ARHGAP24: variants seen among roughly 807,000 people sequenced by gnomAD.
The protein encoded by ARHGAP24 is Rho GTPase activating protein 24, also known as rho GTPase-activating protein 24.
Under a neutral mutation model 76.4 loss-of-function variants are expected in ARHGAP24, and 50 were observed. That is an observed-to-expected ratio of 0.65 (90% CI 0.52 to 0.83). The LOEUF is 0.83. Ranked by LOEUF, ARHGAP24 falls within the 40% of genes least tolerant of loss-of-function variation. The pLI is 0.00. For synonymous variants in ARHGAP24, 345 were observed against 323.3 expected, an observed-to-expected ratio of 1.07 and a Z score of -0.72; for missense variants, 930 against 914.2, an observed-to-expected ratio of 1.02 and a Z score of -0.22.
chr4:85,941,430 C>T (rs926168559), intron 4 of ARHGAP24, among the ~76,000 whole-genome samples: 2 of 152,122 alleles, frequency 1.3e-5, no homozygotes, highest in Non-Finnish European at 2.9e-5. Flanking sequence ...CCACTGTGAC[C>T]CACCTCTCCA....
chr4:85,501,144 T>C (rs1011901280), intron 1 of ARHGAP24, among the ~76,000 whole-genome samples: 2 of 152,212 alleles, frequency 1.3e-5, no homozygotes, highest in Non-Finnish European at 2.9e-5. Context: ...TCTGGGTTGG[T>C]TCCAAGTCTT....
Position 85,900,357 on chromosome 4 carries a change from G to A in ARHGAP24, c.269-23291G>A, listed in dbSNP as rs1734424191. On this transcript the variant is annotated intron_variant, in intron 3 of 9. Transcript: ENST00000395184. ...AGTATGTGGCAAACACAAATAGTAT[G>A]CATTTACAGGAAAAACTAAGTAATA... 4.6e-5 allele frequency among the ~76,000 whole-genome samples: 7 copies of A among 152,080 alleles called. 1 individual carries two copies. In the South Asian group the frequency reaches 1.4e-3, roughly 31 times the overall value.
intron 2 of ARHGAP24, among the ~76,000 whole-genome samples, chr4:85,594,425 T>G (rs1291122746): frequency 6.6e-6 from 1 of 152,046 alleles, no homozygotes; most frequent in Non-Finnish European, 1.5e-5. Flanking sequence ...CCTTTCCAAT[T>G]TGGTCGCCCC....
At chr4:85,959,024 C>T (rs1374625294) in intron 5 of ARHGAP24, among the ~76,000 whole-genome samples, 5 of 152,024 alleles carry the variant, frequency 3.3e-5, no homozygotes, top group Non-Finnish European at 5.9e-5. Context: ...GGATTCAGGG[C>T]GAGTCCGTAG....
chr4:85,920,722 C>A (rs1735671456), intron 3 of ARHGAP24, among the ~76,000 whole-genome samples: 1 of 151,916 alleles, frequency 6.6e-6, no homozygotes, highest in Non-Finnish European at 1.5e-5. Context: ...GAAATGAACA[C>A]ACACTTTTCA....
At chr4:85,672,377 A>G (rs1030176963) in intron 2 of ARHGAP24, among the ~76,000 whole-genome samples, 3 of 152,092 alleles carry the variant, frequency 2.0e-5, no homozygotes, top group Non-Finnish European at 4.4e-5. Context: ...TGGTTTCTCA[A>G]CTCTCGGACT....
intron 3 of ARHGAP24, among the ~76,000 whole-genome samples, chr4:85,738,169 C>T (rs1725673439): frequency 6.6e-6 from 1 of 152,124 alleles, no homozygotes; most frequent in South Asian, 2.1e-4. Context: ...GATCCACCCA[C>T]CTTGGCCTCC....
chr4:85,514,817 T>TAAA (rs773699457), intron 1 of ARHGAP24, among the ~76,000 whole-genome samples: 40,746 of 81,436 alleles, frequency 0.5, 13,587 homozygotes, highest in East Asian at 0.83. Context: ...CTCTAAATTG[T>TAAA]AAAAAAAAAA....
chr4:85,658,030 C>T (rs1288661366), intron 2 of ARHGAP24, among the ~76,000 whole-genome samples: 1 of 152,240 alleles, frequency 6.6e-6, no homozygotes, highest in Non-Finnish European at 1.5e-5. Context: ...GCTGGGATTA[C>T]AGGAGTCAGC....
chr4:85,522,719 G>C (rs182744193), intron 1 of ARHGAP24, among the ~76,000 whole-genome samples: 2 of 152,280 alleles, frequency 1.3e-5, no homozygotes, highest in African/African-American at 4.8e-5. Context: ...ATAACTGACA[G>C]AGCCAAGATT....
intron 3 of ARHGAP24, among the ~76,000 whole-genome samples, chr4:85,800,953 C>A (rs1728555309): frequency 6.6e-6 from 1 of 152,116 alleles, no homozygotes; most frequent in African/African-American, 2.4e-5. Flanking sequence ...ATTAAAGCGT[C>A]CTTTTTTAAG....
intron 1 of ARHGAP24, among the ~76,000 whole-genome samples, chr4:85,481,164 G>A (rs1262420921): frequency 6.6e-6 from 1 of 152,064 alleles, no homozygotes; most frequent in Non-Finnish European, 1.5e-5. Flanking sequence ...GTAGTAATTA[G>A]AATTAGTAAT....
intron 1 of ARHGAP24, among the ~76,000 whole-genome samples, chr4:85,558,096 A>G (rs1205209774): frequency 2.0e-5 from 3 of 152,130 alleles, no homozygotes; most frequent in African/African-American, 4.8e-5. Context: ...GGAAGACTCT[A>G]CTTGGCACTG....
chr4:85,760,589 AC>A (rs1578203993), intron 3 of ARHGAP24, among the ~76,000 whole-genome samples: 1 of 152,180 alleles, frequency 6.6e-6, no homozygotes, highest in East Asian at 1.9e-4. Flanking sequence ...GGGGAATAGG[AC>A]CAAAAAGTCT....
rs754624116 is a variant in ARHGAP24 at position 85,995,288 on chromosome 4, A to C, written c.1634A>C (p.Asp545Ala). 6.2e-7 allele frequency: 1 copy of C among 1,614,052 alleles called. No homozygotes were observed. Among genetic ancestry groups the C allele is most frequent in the Non-Finnish European group, 8.5e-7 (1 of 1,180,032 alleles). The change falls in exon 9 of 10, where the codon GAT (aspartate) becomes GCT (alanine). Residue 545 changes from aspartate (D) to alanine (A), a missense_variant. By Grantham distance (126) the Asp-to-Ala change is moderately radical (BLOSUM62 -2). Transcript: ENST00000395184. ...CAACAGTTCTCCATGATGAACCTTG[A>C]TGACAAGCAGAGCATTGACAGTGCT... ...VHQQFSMMNLDDKQSIDSATW... is the reference protein window; with the variant it reads ...VHQQFSMMNLADKQSIDSATW...
intron 2 of ARHGAP24, among the ~76,000 whole-genome samples, chr4:85,595,721 A>G (rs1719805158): frequency 6.6e-6 from 1 of 152,088 alleles, no homozygotes; most frequent in African/African-American, 2.4e-5. Flanking sequence ...AGGGAGACTG[A>G]CGTAATGACA....
chr4:85,928,708 C>A (rs370387675), intron 4 of ARHGAP24, among the ~76,000 whole-genome samples: 1 of 152,130 alleles, frequency 6.6e-6, no homozygotes, highest in Admixed American at 6.5e-5. Context: ...GTGATCCACC[C>A]GCCTCAGCCT....
At chr4:85,814,587 T>C (rs575078002) in intron 3 of ARHGAP24, among the ~76,000 whole-genome samples, 1 of 152,310 alleles carries the variant, frequency 6.6e-6, no homozygotes, top group South Asian at 2.1e-4. Context: ...CAGGGCATGC[T>C]GATGTAAGAG....
At chr4:85,500,296 G>A (rs762202959) in intron 1 of ARHGAP24, among the ~76,000 whole-genome samples, 1 of 152,184 alleles carries the variant, frequency 6.6e-6, no homozygotes, top group Non-Finnish European at 1.5e-5. Flanking sequence ...GATTTCTGTA[G>A]TGCTGGAAAC....
Sources: gnomAD v4.1 joint callset for allele counts (sites outside exome capture counted in the v4.1 genomes callset) on GRCh38, gnomAD v4.1.1 for gene constraint, MANE v1.5 for transcripts, NCBI Gene and HGNC (gene_info 2026-07-23, HGNC 2026-07-21) for gene names.